Variants in PTPRG observed in about 807,000 individuals in gnomAD.
PTPRG encodes the protein receptor-type tyrosine-protein phosphatase gamma.
PTPRG carries 102 observed loss-of-function variants against 165.3 expected under a neutral mutation model. The observed-to-expected ratio is 0.62, with a 90% CI of 0.53 to 0.73. PTPRG has a LOEUF of 0.73. Among genes scored for constraint, PTPRG ranks in the 30% least tolerant of loss-of-function variants. The pLI, the probability that PTPRG is intolerant of heterozygous loss-of-function variation, is 0.00. For synonymous variants in PTPRG, 675 were observed against 669.5 expected, an observed-to-expected ratio of 1.01 and a Z score of -0.13; for missense variants, 1,866 against 1,861.4, an observed-to-expected ratio of 1.00 and a Z score of -0.05.
intron 16 of PTPRG, among the ~76,000 whole-genome samples, chr3:62,258,642 C>T (rs1576186144): frequency 6.6e-6 from 1 of 152,166 alleles, no homozygotes; most frequent in African/African-American, 2.4e-5. Flanking sequence ...ACCTTTGACT[C>T]TTTGTCTAGA....
rs574079849 is a variant in PTPRG at position 62,272,072 on chromosome 3, GTGA to G, written c.3182+522_3182+524del. 3.2e-3 allele frequency among the ~76,000 whole-genome samples: 492 copies of G among 152,060 alleles called. 3 individuals carry two copies. Among genetic ancestry groups the G allele is most frequent in the African/African-American group, 0.011 (470 of 41,476 alleles). ...TTCACATAACTGCACTCCAGCCTGGGTGATGATAGAGCAAGATCATGACTCAAA... is the reference window on the plus strand; with the variant it reads ...TTCACATAACTGCACTCCAGCCTGGGTGATAGAGCAAGATCATGACTCAAA... On this transcript the variant is annotated intron_variant, in intron 21 of 29. Transcript: ENST00000474889.
intron 2 of PTPRG, chr3:61,926,051 C>T (rs769598280): frequency 7.1e-5 from 30 of 425,400 alleles, no homozygotes; most frequent in African/African-American, 1.2e-4. Flanking sequence ...GAATAGAAAC[C>T]GCATTTTAGC....
At chr3:61,776,897 C>A (rs569457375) in intron 2 of PTPRG, among the ~76,000 whole-genome samples, 2 of 151,958 alleles carry the variant, frequency 1.3e-5, no homozygotes, top group Non-Finnish European at 2.9e-5. Flanking sequence ...AATTATTGCA[C>A]GCCTGTATAA....
intron 1 of PTPRG, among the ~76,000 whole-genome samples, chr3:61,725,411 A>T (rs2032216203): frequency 6.6e-6 from 1 of 151,966 alleles, no homozygotes; most frequent in Non-Finnish European, 1.5e-5. Flanking sequence ...TTTATTTTTT[A>T]AATTTTTTGC....
chr3:62,112,399 C>T (rs561283458), intron 5 of PTPRG, among the ~76,000 whole-genome samples: 6 of 152,340 alleles, frequency 3.9e-5, no homozygotes, highest in Admixed American at 2.6e-4. Flanking sequence ...CCATCCCGCC[C>T]TGCCAGTCAC....
At chr3:62,246,904 T>G (rs1403719433) in intron 15 of PTPRG, among the ~76,000 whole-genome samples, 2 of 152,116 alleles carry the variant, frequency 1.3e-5, no homozygotes, top group African/African-American at 4.8e-5. Context: ...TAAAGATATT[T>G]GCAGACAACA....
At chr3:62,287,906 C>G (rs1284085157) in intron 28 of PTPRG, among the ~76,000 whole-genome samples, 1 of 152,048 alleles carries the variant, frequency 6.6e-6, no homozygotes, top group Non-Finnish European at 1.5e-5. Context: ...AGATACCATA[C>G]AAGGCTACAT....
chr3:62,289,345 C>T (rs972467421), intron 28 of PTPRG, among the ~76,000 whole-genome samples: 7 of 152,132 alleles, frequency 4.6e-5, no homozygotes, highest in African/African-American at 1.7e-4. Flanking sequence ...ATGAGTTTTC[C>T]ACCTGTTAGG....
At chr3:61,965,749 A>G (rs754381082) in intron 2 of PTPRG, among the ~76,000 whole-genome samples, 51 of 152,236 alleles carry the variant, frequency 3.4e-4, no homozygotes, top group Non-Finnish European at 1.8e-4. Flanking sequence ...ACCTCATGTA[A>G]TTCTAAGAGT....
chr3:62,097,302 G>A lies in PTPRG; in HGVS notation c.615+19044G>A, dbSNP rs1702151171. 3.3e-5 allele frequency among the ~76,000 whole-genome samples: 5 copies of A among 152,270 alleles called. No individual in the cohort carries two copies. In the South Asian group the frequency reaches 1.0e-3, roughly 32 times the overall value. ...GAGAATGTGACTCCTATTAAATGCA[G>A]TTCAGGATGTTCTGCCAAAGGCGAT... is the stretch of plus-strand genomic sequence containing the variant. On this transcript the variant is annotated intron_variant, in intron 5 of 29. Coordinates refer to ENST00000474889, the MANE Select transcript of PTPRG (RefSeq NM_002841.4).
intron 8 of PTPRG, among the ~76,000 whole-genome samples, chr3:62,170,693 T>C (rs1023391250): frequency 6.6e-6 from 1 of 152,194 alleles, no homozygotes; most frequent in Non-Finnish European, 1.5e-5. Flanking sequence ...CGTTGCTGAC[T>C]CTTTAAGACA....
chr3:62,127,118 C>A (rs1273177183), intron 5 of PTPRG, among the ~76,000 whole-genome samples: 1 of 152,168 alleles, frequency 6.6e-6, no homozygotes, highest in Admixed American at 6.5e-5. Context: ...TTGAACATGG[C>A]CACATTTCCT....
chr3:61,635,996 T>C lies in PTPRG; in HGVS notation c.85+73624T>C, dbSNP rs59497357. Among the ~76,000 whole-genome samples the C allele has an allele frequency of 9.8e-3, 1,495 of 152,284 alleles. 20 individuals carry two copies. Among genetic ancestry groups the C allele is most frequent in the African/African-American group, 0.034 (1,404 of 41,556 alleles). On this transcript the variant is annotated intron_variant, in intron 1 of 29. Transcript: ENST00000474889. ...AACAGTTAGATAGCCTCTGCTTGAA[T>C]GCTTCTAATAACTGGAGAGCTCACC...
chr3:61,731,473 C>T (rs1372023702), intron 1 of PTPRG, among the ~76,000 whole-genome samples: 4 of 151,726 alleles, frequency 2.6e-5, no homozygotes, highest in African/African-American at 4.8e-5. Flanking sequence ...CTCAGCCTCC[C>T]GAGTAGCTGG....
intron 2 of PTPRG, among the ~76,000 whole-genome samples, chr3:61,879,887 G>A (rs753077191): frequency 5.9e-5 from 9 of 152,084 alleles, no homozygotes; most frequent in South Asian, 2.1e-4. Context: ...AAGCCTTTAC[G>A]TTATAATGAA....
intron 6 of PTPRG, among the ~76,000 whole-genome samples, chr3:62,147,486 A>G (rs1174986732): frequency 6.6e-6 from 1 of 152,158 alleles, no homozygotes; most frequent in Admixed American, 6.5e-5. Flanking sequence ...TGCGACTCTC[A>G]TGTCTTCATA....
chr3:61,655,781 T>A (rs1702493077), intron 1 of PTPRG, among the ~76,000 whole-genome samples: 1 of 151,770 alleles, frequency 6.6e-6, no homozygotes, highest in South Asian at 2.1e-4. Context: ...AATTTTTAAA[T>A]TTTTTTTGTA....
At chr3:62,033,361 ATTTTTTTT>A (rs199968064) in intron 4 of PTPRG, among the ~76,000 whole-genome samples, 1 of 124,334 alleles carries the variant, frequency 8.0e-6, no homozygotes, top group African/African-American at 3.1e-5. Context: ...CTCCCTATAC[ATTTTTTTT>A]TTTTTTTTTT....
intron 1 of PTPRG, among the ~76,000 whole-genome samples, chr3:61,718,474 ATGTGACAT>A (rs1255146594): frequency 1.3e-5 from 2 of 150,102 alleles, no homozygotes; most frequent in South Asian, 2.2e-4. Context: ...CTACACAATC[ATGTGACAT>A]TGTGACATTG....
Sources: allele counts gnomAD v4.1 joint callset (sites outside exome capture counted in the v4.1 genomes callset), GRCh38; gene constraint gnomAD v4.1.1; transcripts MANE v1.5; gene names NCBI Gene and HGNC (gene_info 2026-07-23, HGNC 2026-07-21).